The following BCAS3 variants were observed in gnomAD, a reference collection of about 807,000 sequenced individuals.
The protein encoded by BCAS3 is BCAS3 microtubule associated cell migration factor.
In BCAS3, 53 loss-of-function variants were observed where a neutral mutation model predicts 116.1. The ratio of observed to expected loss-of-function variants is 0.46; its 90% confidence interval spans 0.37 to 0.57. The LOEUF is 0.57. BCAS3 is among the 20% of genes least tolerant of loss of function. BCAS3 has a pLI of 0.00. For synonymous variants in BCAS3, 391 were observed against 408.2 expected, an observed-to-expected ratio of 0.96 and a Z score of 0.51; for missense variants, 917 against 1,165.4, an observed-to-expected ratio of 0.79 and a Z score of 3.10.
At chr17:61,086,476 A>G (rs1165701131) in intron 22 of BCAS3, among the ~76,000 whole-genome samples, 5 of 152,224 alleles carry the variant, frequency 3.3e-5, no homozygotes, top group African/African-American at 1.2e-4. Flanking sequence ...GTGAACTGTT[A>G]TTTAAATCCT....
chr17:61,009,025 T>C (rs192397919), intron 15 of BCAS3, among the ~76,000 whole-genome samples: 9 of 152,112 alleles, frequency 5.9e-5, no homozygotes, highest in African/African-American at 2.2e-4. Flanking sequence ...GATAAGTGTA[T>C]GGAGAGGTGA....
chr17:61,346,003 G>A lies in BCAS3; in HGVS notation c.2426-22324G>A, dbSNP rs190546197. Among the ~76,000 whole-genome samples the A allele has an allele frequency of 3.9e-4, 59 of 152,304 alleles. No homozygotes were observed. Among genetic ancestry groups the A allele is most frequent in the Non-Finnish European group, 7.2e-4 (49 of 68,018 alleles). On this transcript the variant is annotated intron_variant, in intron 22 of 23. Transcript: ENST00000407086. This position sits in a 1 kb window ranked among gnomAD's most constrained non-coding sequence, Gnocchi z 5.4. ...GTGAAGGTGAAGGTCGTTGGTGTGC[G>A]GACTGGAGGTCAGTGAATTTAAGGC...
intron 19 of BCAS3, chr17:61,069,829 C>T: frequency 1.4e-6 from 1 of 734,138 alleles, no homozygotes; most frequent in Non-Finnish European, 2.3e-6. Context: ...GAGTGAGACC[C>T]TGTGTAAAAA....
In BCAS3 at chr17:61,015,875, A is replaced by G. The variant is rs202113542; in HGVS notation, c.1611A>G (p.Thr537=). 7 of 1,614,102 alleles carry G rather than the reference A, an allele frequency of 4.3e-6. No homozygotes were observed. In the Admixed American group the frequency reaches 1.0e-4, roughly 23 times the overall value. ...MPLAQIKQPM[T]LGTITKRTGK... ...TTGCACAAATCAAGCAGCCAATGACATTGGGGACCATCACCAAACGAACCG... is the reference window on the plus strand; with the variant it reads ...TTGCACAAATCAAGCAGCCAATGACGTTGGGGACCATCACCAAACGAACCG... Residue 537 remains threonine, a synonymous_variant, in exon 16 of 24, where the codon ACA becomes ACG. Coordinates refer to ENST00000407086, the MANE Select transcript of BCAS3 (RefSeq NM_017679.5).
chr17:61,039,484 G>A (rs140440308), intron 18 of BCAS3, among the ~76,000 whole-genome samples: 7 of 151,774 alleles, frequency 4.6e-5, no homozygotes, highest in Admixed American at 6.6e-5. Context: ...GTGCAGTGGC[G>A]TGATCTCGGC....
In BCAS3 at chr17:61,004,815, T is replaced by A. The variant is rs988456792; in HGVS notation, c.1487-10936T>A. Among the ~76,000 whole-genome samples the A allele has an allele frequency of 6.6e-6, 1 of 152,062 alleles. No homozygotes were observed. Among genetic ancestry groups the A allele is most frequent in the Non-Finnish European group, 1.5e-5 (1 of 67,978 alleles). On this transcript the variant is annotated intron_variant, in intron 15 of 23. Coordinates refer to ENST00000407086, the MANE Select transcript of BCAS3 (RefSeq NM_017679.5). This position sits in a 1 kb window ranked among gnomAD's most constrained non-coding sequence, Gnocchi z 4.8. ...ATTACTATTTCAGAATGGACCAAGG[T>A]GGAATTAACATGGGCACTGTTGTTG...
chr17:60,758,382 AT>A (rs1197382040), intron 6 of BCAS3, among the ~76,000 whole-genome samples: 1 of 151,862 alleles, frequency 6.6e-6, no homozygotes, highest in Non-Finnish European at 1.5e-5. Context: ...TTGAGTCTCT[AT>A]TTTATTTAGT....
chr17:60,902,824 T>C (rs2057983634), intron 11 of BCAS3, 121 bp downstream of exon 11: 1 of 778,764 alleles, frequency 1.3e-6, no homozygotes, highest in Non-Finnish European at 2.1e-6. Context: ...ATTTTAAAGA[T>C]TTTAAGTCTG....
chr17:61,147,819 T>C (rs994547879), intron 22 of BCAS3, among the ~76,000 whole-genome samples: 2 of 152,024 alleles, frequency 1.3e-5, no homozygotes, highest in Non-Finnish European at 2.9e-5. Flanking sequence ...AAACCCCATC[T>C]CTACTAAAAA....
chr17:60,833,059 G>A (rs900387620), intron 7 of BCAS3, among the ~76,000 whole-genome samples: 1 of 152,058 alleles, frequency 6.6e-6, no homozygotes, highest in African/African-American at 2.4e-5. Context: ...AGAGATAGGG[G>A]TCTCACTGTA....
At chr17:60,900,436 C>G (rs1252216797) in intron 10 of BCAS3, among the ~76,000 whole-genome samples, 2 of 152,048 alleles carry the variant, frequency 1.3e-5, no homozygotes, top group Non-Finnish European at 2.9e-5. Context: ...TTACCCTTGC[C>G]TTGTGTTGGG....
chr17:61,157,775 A>C (rs2077945876), intron 22 of BCAS3, among the ~76,000 whole-genome samples: 1 of 152,230 alleles, frequency 6.6e-6, no homozygotes, highest in Admixed American at 6.5e-5. Context: ...ATCGCTGGCC[A>C]CAAACGGACA....
chr17:61,049,052 A>C (rs1482538276), intron 19 of BCAS3, among the ~76,000 whole-genome samples: 1 of 152,020 alleles, frequency 6.6e-6, no homozygotes, highest in East Asian at 1.9e-4. Context: ...TAATCCCAGC[A>C]CTTTGGGATG....
Position 61,037,791 on chromosome 17 carries a change from C to T in BCAS3, c.1763-98C>T, listed in dbSNP as rs1225413629. 2.2e-5 allele frequency: 24 copies of T among 1,109,052 alleles called. No homozygotes were observed. Among genetic ancestry groups the T allele is most frequent in the Non-Finnish European group, 2.9e-5 (23 of 797,028 alleles). The allele number at this position is 1,109,052 out of a possible 1,614,324, so 68.7% of individuals were successfully genotyped here. ...CTGTCTTTTCATTTTCTCTGAGCAG[C>T]CTCAGGAGCAGACTAATAAGATCAT... On this transcript the variant is annotated intron_variant, in intron 17 of 23. Coordinates refer to ENST00000407086, the MANE Select transcript of BCAS3 (RefSeq NM_017679.5). The surrounding 1 kb of genome is among the most constrained non-coding windows in gnomAD (Gnocchi z 4.7).
intron 11 of BCAS3, among the ~76,000 whole-genome samples, chr17:60,907,417 C>T (rs1379604890): frequency 6.6e-6 from 1 of 152,140 alleles, no homozygotes; most frequent in Non-Finnish European, 1.5e-5. Context: ...CTAATGACAA[C>T]TAACAGCTTT....
intron 14 of BCAS3, among the ~76,000 whole-genome samples, chr17:60,979,719 T>C (rs1038947253): frequency 5.3e-5 from 8 of 152,174 alleles, no homozygotes; most frequent in African/African-American, 1.9e-4. Flanking sequence ...TTGTTGAATT[T>C]TGTCAGAGGC....
intron 22 of BCAS3, among the ~76,000 whole-genome samples, chr17:61,275,017 AT>A (rs2050648834): frequency 6.6e-6 from 1 of 151,876 alleles, no homozygotes; most frequent in Non-Finnish European, 1.5e-5. Context: ...TACTTCACTA[AT>A]TTTTTAATTT....
intron 22 of BCAS3, among the ~76,000 whole-genome samples, chr17:61,099,531 G>A (rs901223080): frequency 7.2e-5 from 11 of 152,092 alleles, no homozygotes; most frequent in Admixed American, 6.5e-4. Flanking sequence ...ATGGGCCTAT[G>A]GTCAATTGTG....
chr17:60,856,736 A>G (rs1041643040), intron 7 of BCAS3, among the ~76,000 whole-genome samples: 3 of 152,116 alleles, frequency 2.0e-5, no homozygotes, highest in Non-Finnish European at 1.5e-5. Context: ...GAAAATGTTT[A>G]GTGACTTCTT....
Sources: allele counts gnomAD v4.1 joint callset (sites outside exome capture counted in the v4.1 genomes callset), GRCh38; gene constraint gnomAD v4.1.1; non-coding constraint Gnocchi (gnomAD v3.1); transcripts MANE v1.5; gene names NCBI Gene and HGNC (gene_info 2026-07-23, HGNC 2026-07-21).